Variants in RORC observed in about 807,000 individuals in gnomAD.
RORC encodes the protein RAR related orphan receptor C.
RORC carries 13 observed loss-of-function variants against 64.5 expected under a neutral mutation model. The observed-to-expected ratio is 0.20, with a 90% CI of 0.13 to 0.32. The LOEUF (loss-of-function observed/expected upper bound fraction) is 0.32. Among genes scored for constraint, RORC ranks in the 10% least tolerant of loss-of-function variants. The pLI, the probability that RORC is intolerant of heterozygous loss-of-function variation, is 1.00. For missense variants in RORC, 468 were observed against 669.5 expected, an observed-to-expected ratio of 0.70 and a Z score of 3.32; for synonymous variants, 277 against 259.3, an observed-to-expected ratio of 1.07 and a Z score of -0.65.
Position 151,807,774 on chromosome 1 carries a change from C to T in RORC, c.1396-141G>A, listed in dbSNP as rs1651371750. The T allele has an allele frequency of 2.5e-6, 2 of 807,442 alleles. No homozygotes were observed. The highest frequency in any genetic ancestry group is 1.9e-6 in the Non-Finnish European group (1 of 517,006). The allele number at this position is 807,442 out of a possible 1,614,324, so 50.0% of individuals were successfully genotyped here. A position where few individuals can be genotyped will look rare whatever the true frequency, so the allele number is the denominator to read the frequency against. On this transcript the variant is annotated intron_variant, in intron 10 of 10. Coordinates refer to ENST00000318247, the MANE Select transcript of RORC (RefSeq NM_005060.4). The surrounding 1 kb of genome is among the most constrained non-coding windows in gnomAD (Gnocchi z 5.0). ...TTGGCACTTTGGCACCAGCCAAATC[C>T]CACTGGTAGAAGTACGTGTGTGTTC...
At chr1:151,808,471 C>T (rs1651397949) in intron 10 of RORC, among the ~76,000 whole-genome samples, 2 of 152,220 alleles carry the variant, frequency 1.3e-5, no homozygotes. Context: ...GCCTCCCTCC[C>T]CCAGCTTAGT....
intron 6 of RORC, 171 bp downstream of exon 6, chr1:151,814,403 C>T: frequency 1.5e-6 from 1 of 650,610 alleles, no homozygotes; most frequent in South Asian, 2.0e-5. Flanking sequence ...GGGGTGTAGA[C>T]AGATACACAC....
chr1:151,807,830 G>A lies in RORC; in HGVS notation c.1396-197C>T, dbSNP rs1002712596. On this transcript the variant is annotated intron_variant, in intron 10 of 10. Coordinates refer to ENST00000318247, the MANE Select transcript of RORC (RefSeq NM_005060.4). The surrounding 1 kb of genome is among the most constrained non-coding windows in gnomAD (Gnocchi z 5.0). ...ACTGGAGGGAAGTGAGAGTGGGTGG[G>A]GCACAGGTGAATGTTTTCTGGGTGA... Among the ~76,000 whole-genome samples the A allele has an allele frequency of 2.0e-5, 3 of 152,190 alleles. No individual in the cohort carries two copies. Among genetic ancestry groups the A allele is most frequent in the African/African-American group, 7.2e-5 (3 of 41,432 alleles).
chr1:151,831,575 G>C, intron 1 of RORC, 150 bp downstream of exon 1: 1 of 1,500,082 alleles, frequency 6.7e-7, no homozygotes, highest in South Asian at 1.2e-5. Context: ...TTCTCCTCCA[G>C]TTTCACTCCC....
At position 151,806,172 on chromosome 1, in the gene RORC, C is replaced by T. The variant is rs964007404; in HGVS notation, c.*1300G>A. The T allele has an allele frequency of 6.5e-6, 1 of 153,062 alleles. No homozygotes were observed. Among genetic ancestry groups the T allele is most frequent in the Non-Finnish European group, 1.5e-5 (1 of 68,040 alleles). 9.5% of individuals were successfully genotyped at this position (153,062 alleles called of 1,614,324 possible). ...GGACACAATCCCACCCCCAACCCCC[C>T]CAACTCCACGACTGCCCATCATTGC... On this transcript the variant is annotated 3_prime_UTR_variant, in exon 11 of 11. Coordinates refer to ENST00000318247, the MANE Select transcript of RORC (RefSeq NM_005060.4).
At chr1:151,831,685 C>T in intron 1 of RORC, 40 bp downstream of exon 1, 2 of 1,610,366 alleles carry the variant, frequency 1.2e-6, no homozygotes, top group Non-Finnish European at 1.7e-6. Flanking sequence ...GAACCTCCAG[C>T]AGTCTCTTCC....
intron 2 of RORC, among the ~76,000 whole-genome samples, chr1:151,823,294 C>T (rs1362147942): frequency 1.3e-5 from 2 of 152,178 alleles, no homozygotes; most frequent in African/African-American, 4.8e-5. Flanking sequence ...CACCCCTCGG[C>T]CTCCCACCTC....
At chr1:151,831,355 T>C (rs1017800815) in intron 1 of RORC, among the ~76,000 whole-genome samples, 1 of 152,136 alleles carries the variant, frequency 6.6e-6, no homozygotes, top group Admixed American at 6.5e-5. Context: ...GCAGTGTCCC[T>C]GTGCCTCCTG....
At chr1:151,818,349 T>C (rs757476824) in intron 2 of RORC, among the ~76,000 whole-genome samples, 3 of 152,212 alleles carry the variant, frequency 2.0e-5, no homozygotes, top group Non-Finnish European at 2.9e-5. Flanking sequence ...CATATTTGTA[T>C]GTTAGTGTCT....
intron 1 of RORC, among the ~76,000 whole-genome samples, chr1:151,831,396 C>A (rs1197651008): frequency 6.6e-6 from 1 of 152,154 alleles, no homozygotes; most frequent in Non-Finnish European, 1.5e-5. Flanking sequence ...GAGGGCCTGT[C>A]CACATTCTGA....
chr1:151,829,700 T>G (rs114429946), intron 1 of RORC, among the ~76,000 whole-genome samples: 1,747 of 152,310 alleles, frequency 0.011, 25 homozygotes, highest in African/African-American at 0.04. Context: ...CCCAAGCTGC[T>G]CCTTTGCCTA....
In RORC at chr1:151,815,203, G is replaced by A; in HGVS notation, c.521C>T (p.Pro174Leu). The change falls in exon 5 of 11, where the codon CCT becomes CTT. Residue 174 changes from proline to leucine, a missense_variant. Physicochemically the swap from Pro to Leu is moderately conservative, Grantham distance 98. Coordinates refer to ENST00000318247, the MANE Select transcript of RORC (RefSeq NM_005060.4). ...PDLPEASACP[P>L]GLLKASGSGP... is the part of the protein sequence containing the mutation. The stretch of plus-strand genomic sequence containing the variant: ...AGAGCCTGAGGCTTTCAGGAGGCCA[G>A]GGGGACAGGCAGAAGCCTCAGGCAG... 6.2e-7 allele frequency: 1 copy of A among 1,613,994 alleles called. No homozygotes were observed. The highest frequency in any genetic ancestry group is 8.5e-7 in the Non-Finnish European group (1 of 1,179,932).
At chr1:151,831,019 G>T (rs774138167) in intron 1 of RORC, 20 of 1,289,242 alleles carry the variant, frequency 1.6e-5, no homozygotes, top group African/African-American at 1.4e-4. Context: ...AGCTGACCAA[G>T]CCTGTGGCCC....
intron 2 of RORC, chr1:151,825,967 C>T: frequency 1.2e-6 from 2 of 1,612,596 alleles, no homozygotes; most frequent in Non-Finnish European, 1.7e-6. Context: ...GGCCTTGGCT[C>T]CCTGTCCTTC....
At chr1:151,831,389 G>C (rs1652414030) in intron 1 of RORC, among the ~76,000 whole-genome samples, 1 of 152,112 alleles carries the variant, frequency 6.6e-6, no homozygotes, top group Non-Finnish European at 1.5e-5. Context: ...CACCTGGGAG[G>C]GCCTGTCCAC....
At chr1:151,827,032 C>A (rs1485117507) in intron 2 of RORC, among the ~76,000 whole-genome samples, 1 of 152,138 alleles carries the variant, frequency 6.6e-6, no homozygotes, top group African/African-American at 2.4e-5. Flanking sequence ...GCAGGAGAAT[C>A]GCTTGAACCC....
At chr1:151,826,565 C>T (rs757843193) in intron 2 of RORC, among the ~76,000 whole-genome samples, 15 of 152,220 alleles carry the variant, frequency 9.9e-5, no homozygotes, top group South Asian at 8.3e-4. Context: ...CCCATGCCCA[C>T]GCTCCTCCCT....
intron 10 of RORC, among the ~76,000 whole-genome samples, chr1:151,809,974 A>G (rs1199910305): frequency 2.0e-5 from 3 of 152,064 alleles, no homozygotes; most frequent in Non-Finnish European, 4.4e-5. Flanking sequence ...CCCCTGACCT[A>G]ATTTTCAGGC....
intron 2 of RORC, among the ~76,000 whole-genome samples, chr1:151,825,196 C>A (rs1652141431): frequency 6.6e-6 from 1 of 152,186 alleles, no homozygotes; most frequent in Non-Finnish European, 1.5e-5. Context: ...TTTCCAATCC[C>A]ATCTCCATTG....
Sources: allele counts gnomAD v4.1 joint callset (sites outside exome capture counted in the v4.1 genomes callset), GRCh38; gene constraint gnomAD v4.1.1; non-coding constraint Gnocchi (gnomAD v3.1); transcripts MANE v1.5; gene names NCBI Gene and HGNC (gene_info 2026-07-23, HGNC 2026-07-21).